KCNIP4: variants seen among roughly 807,000 people sequenced by gnomAD.
The protein encoded by KCNIP4 is Kv channel-interacting protein 4.
Under a neutral mutation model 34.0 loss-of-function variants are expected in KCNIP4, and 12 were observed. The observed-to-expected ratio is 0.35, with a 90% CI of 0.23 to 0.57. KCNIP4 has a LOEUF of 0.57. Ranked by LOEUF, KCNIP4 falls within the 20% of genes least tolerant of loss-of-function variation. The pLI is 0.83. For missense variants in KCNIP4, 238 were observed against 311.7 expected (o/e 0.76, Z 1.78); for synonymous variants, 124 against 102.2 (o/e 1.21, Z -1.29).
chr4:21,274,067 G>A (rs1474845052), intron 1 of KCNIP4, among the ~76,000 whole-genome samples: 1 of 152,054 alleles, frequency 6.6e-6, no homozygotes, highest in Non-Finnish European at 1.5e-5. Context: ...ATATGACCTT[G>A]GAAAAAATCA....
rs574619559 is a variant in KCNIP4 at position 20,972,801 on chromosome 4, C to CT, written c.62-90093dup. ...AAGTCAGGCAAAAAGTTGACTTCAA[C>CT]TCTCATGAATGATTTTGAGGGGTTC... On this transcript the variant is annotated intron_variant, in intron 1 of 8. Coordinates refer to ENST00000382152, the MANE Select transcript of KCNIP4 (RefSeq NM_025221.6). Among the ~76,000 whole-genome samples, 23 of 152,270 alleles carry CT rather than the reference C, an allele frequency of 1.5e-4. No individual in the cohort carries two copies. In the East Asian group the frequency reaches 3.3e-3, roughly 22 times the overall value.
chr4:20,997,743 C>T (rs143762833), intron 1 of KCNIP4, among the ~76,000 whole-genome samples: 350 of 152,236 alleles, frequency 2.3e-3, no homozygotes, highest in African/African-American at 7.8e-3. Context: ...GTAGGTCAGA[C>T]GAATGCCGTT....
At chr4:21,295,484 C>T (rs1238401332) in intron 1 of KCNIP4, among the ~76,000 whole-genome samples, 1 of 152,036 alleles carries the variant, frequency 6.6e-6, no homozygotes, top group Admixed American at 6.6e-5. Context: ...ATGACCTTGG[C>T]TCTCCCTCCA....
At chr4:20,947,692 A>G (rs1732330754) in intron 1 of KCNIP4, among the ~76,000 whole-genome samples, 1 of 152,212 alleles carries the variant, frequency 6.6e-6, no homozygotes, top group African/African-American at 2.4e-5. Flanking sequence ...GTTCCTTCTG[A>G]GATAAGGAGA....
In KCNIP4 at chr4:20,826,791, G is replaced by A. The variant is rs1198633529; in HGVS notation, c.288+23752C>T. On this transcript the variant is annotated intron_variant, in intron 3 of 8. Transcript: ENST00000382152. ...CATTGATAGAACTTTCAGCAGAGAC[G>A]CAGAAATTTGTGGCTTATAACATTA... Among the ~76,000 whole-genome samples, 5 of 152,134 alleles carry A rather than the reference G, an allele frequency of 3.3e-5. No individual in the cohort carries two copies. The South Asian group carries it at 1.0e-3, about 32-fold the overall frequency.
intron 1 of KCNIP4, among the ~76,000 whole-genome samples, chr4:21,491,635 A>T (rs1732406604): frequency 6.6e-6 from 1 of 152,124 alleles, no homozygotes; most frequent in African/African-American, 2.4e-5. Flanking sequence ...GGCCTCCTAA[A>T]GTGCTGTGAT....
chr4:21,194,384 A>T (rs543889619), intron 1 of KCNIP4, among the ~76,000 whole-genome samples: 1 of 152,302 alleles, frequency 6.6e-6, no homozygotes, highest in East Asian at 1.9e-4. Context: ...GCCATCACTT[A>T]ATACAGGTAC....
At chr4:21,831,580 T>C (rs1722992620) in intron 1 of KCNIP4, among the ~76,000 whole-genome samples, 1 of 139,838 alleles carries the variant, frequency 7.2e-6, no homozygotes, top group African/African-American at 2.7e-5. Context: ...AGCATACATG[T>C]CCCAAGACTA....
At chr4:21,931,666 T>A (rs933075444) in intron 1 of KCNIP4, among the ~76,000 whole-genome samples, 1 of 152,130 alleles carries the variant, frequency 6.6e-6, no homozygotes, top group African/African-American at 2.4e-5. Context: ...ATTTTCCTAA[T>A]TCAGTCTATC....
intron 1 of KCNIP4, among the ~76,000 whole-genome samples, chr4:21,037,587 G>A (rs909606690): frequency 5.9e-5 from 9 of 152,138 alleles, no homozygotes; most frequent in South Asian, 2.1e-4. Flanking sequence ...ACACAATGAC[G>A]AAATTATGTA....
chr4:21,858,578 G>T (rs1243797561), intron 1 of KCNIP4, among the ~76,000 whole-genome samples: 2 of 152,080 alleles, frequency 1.3e-5, no homozygotes. Flanking sequence ...CAACTCAAAA[G>T]GTTCACTGTA....
At chr4:21,828,842 T>C (rs969847848) in intron 1 of KCNIP4, among the ~76,000 whole-genome samples, 3 of 151,946 alleles carry the variant, frequency 2.0e-5, no homozygotes, top group Non-Finnish European at 2.9e-5. Flanking sequence ...ACACACTATC[T>C]AAAATAATAA....
chr4:21,157,268 C>T (rs1753207332), intron 1 of KCNIP4, among the ~76,000 whole-genome samples: 1 of 151,910 alleles, frequency 6.6e-6, no homozygotes, highest in African/African-American at 2.4e-5. Flanking sequence ...TAATGCATGC[C>T]AGACATTGTT....
At chr4:21,852,645 C>T (rs2109338385) in intron 1 of KCNIP4, 1 of 152,224 alleles carries the variant, frequency 6.6e-6, no homozygotes, top group South Asian at 2.1e-4. Flanking sequence ...GGGGTGAGCC[C>T]ACAGAGTCAC....
chr4:21,356,658 A>G (rs1268011743), intron 1 of KCNIP4, among the ~76,000 whole-genome samples: 3 of 152,194 alleles, frequency 2.0e-5, no homozygotes, highest in South Asian at 2.1e-4. Flanking sequence ...TGCTCAATGA[A>G]ATAAAAGAGG....
intron 1 of KCNIP4, among the ~76,000 whole-genome samples, chr4:21,225,764 T>C (rs1291364698): frequency 6.6e-6 from 1 of 152,130 alleles, no homozygotes; most frequent in Non-Finnish European, 1.5e-5. Context: ...GGAGCCAGAC[T>C]GGGGAAAACT....
chr4:21,400,480 C>CTCCTG (rs1429677270), intron 1 of KCNIP4, among the ~76,000 whole-genome samples: 1 of 147,224 alleles, frequency 6.8e-6, no homozygotes, highest in Non-Finnish European at 1.5e-5. Flanking sequence ...CTCCTCTCCT[C>CTCCTG]TCCTCTCCTC....
intron 1 of KCNIP4, among the ~76,000 whole-genome samples, chr4:21,862,562 C>A (rs570095619): frequency 6.6e-6 from 1 of 152,258 alleles, no homozygotes; most frequent in African/African-American, 2.4e-5. Flanking sequence ...AGCAGACACA[C>A]AAAGCTTCAT....
At chr4:21,083,562 G>A (rs1306468550) in intron 1 of KCNIP4, among the ~76,000 whole-genome samples, 2 of 151,630 alleles carry the variant, frequency 1.3e-5, no homozygotes, top group African/African-American at 4.9e-5. Flanking sequence ...ATACACACAA[G>A]AGAAGAGGCA....
Sources: gnomAD v4.1 joint callset for allele counts (sites outside exome capture counted in the v4.1 genomes callset) on GRCh38, gnomAD v4.1.1 for gene constraint, MANE v1.5 for transcripts, NCBI Gene and HGNC (gene_info 2026-07-23, HGNC 2026-07-21) for gene names.